The following GIGYF2 variants were observed in gnomAD, a reference collection of about 807,000 sequenced individuals.
The protein encoded by GIGYF2 is GRB10 interacting GYF protein 2.
GIGYF2 carries 25 observed loss-of-function variants against 208.1 expected under a neutral mutation model. The observed-to-expected ratio is 0.12, with a 90% CI of 0.09 to 0.17. GIGYF2 has a LOEUF of 0.17. GIGYF2 is among the 10% of genes least tolerant of loss of function. The pLI is 1.00. For missense variants in GIGYF2, 1,302 were observed against 1,579.4 expected (o/e 0.82, Z 2.98); for synonymous variants, 534 against 543.8 (o/e 0.98, Z 0.25).
At chr2:232,719,911 GT>G (rs531256020) in intron 2 of GIGYF2, among the ~76,000 whole-genome samples, 50 of 148,570 alleles carry the variant, frequency 3.4e-4, no homozygotes, top group African/African-American at 7.4e-4. Context: ...TCTCTCAGCT[GT>G]TTTTTTTTTG....
chr2:232,791,029 C>G lies in GIGYF2; in HGVS notation c.952C>G (p.Pro318Ala), dbSNP rs1700054594. The change falls in exon 11 of 29, where the codon CCA (proline) becomes GCA (alanine). Residue 318 changes from proline to alanine, a missense_variant. Coordinates refer to ENST00000373563, the MANE Select transcript of GIGYF2 (RefSeq NM_001103146.3). ...ACAGAAAGTACAGAAAGAGCCTATT[C>G]CAGAAGAGCAGGAGATGGACTTCCG... is the stretch of plus-strand genomic sequence containing the variant. ...SLKKVQKEPI[P>A]EEQEMDFRPV... 1 of 1,613,962 alleles carries G rather than the reference C, an allele frequency of 6.2e-7. No individual in the cohort carries two copies. The highest frequency in any genetic ancestry group is 8.5e-7 in the Non-Finnish European group (1 of 1,179,938).
chr2:232,760,758 A>C (rs1698716980), intron 7 of GIGYF2, 167 bp downstream of exon 7: 1 of 589,866 alleles, frequency 1.7e-6, no homozygotes, highest in Admixed American at 2.8e-5. Flanking sequence ...AATGATTCTT[A>C]TTTAAAGGAA....
intron 14 of GIGYF2, 27 bp downstream of exon 14, chr2:232,796,248 A>T (rs754561391): frequency 6.3e-6 from 9 of 1,432,470 alleles, no homozygotes; most frequent in Non-Finnish European, 8.9e-6. Context: ...TCCTTTAAAT[A>T]CTGAAGTGTG....
chr2:232,778,380 G>A (rs183273908), intron 8 of GIGYF2, among the ~76,000 whole-genome samples: 12 of 152,320 alleles, frequency 7.9e-5, no homozygotes, highest in African/African-American at 2.9e-4. Context: ...TGTCTTAAGT[G>A]AAGCTAATTT....
chr2:232,822,842 A>G (rs1312170032), intron 21 of GIGYF2, among the ~76,000 whole-genome samples: 2 of 152,154 alleles, frequency 1.3e-5, no homozygotes, highest in Non-Finnish European at 1.5e-5. Flanking sequence ...AGGATTTTCT[A>G]TGGAATCTTA....
intron 20 of GIGYF2, among the ~76,000 whole-genome samples, chr2:232,819,273 G>A (rs1701004756): frequency 6.6e-6 from 1 of 152,148 alleles, no homozygotes. Flanking sequence ...GTTCTGTGTT[G>A]CGCAGTTTTC....
At chr2:232,838,421 A>T (rs1439945310) in intron 22 of GIGYF2, among the ~76,000 whole-genome samples, 1 of 152,148 alleles carries the variant, frequency 6.6e-6, no homozygotes, top group Non-Finnish European at 1.5e-5. Flanking sequence ...GTGAGGATAG[A>T]TGGCCATTTC....
In GIGYF2 at chr2:232,847,517, A is replaced by ACAGCAG. The variant is rs376678075; in HGVS notation, c.3644_3649dup (p.Gln1215_Gln1216dup). 93 of 415,932 alleles carry ACAGCAG rather than the reference A, an allele frequency of 2.2e-4. No homozygotes were observed. In the African/African-American group the frequency reaches 3.1e-3, roughly 14 times the overall value. The allele number at this position is 415,932 out of a possible 1,614,324, so 25.8% of individuals were successfully genotyped here. A position where few individuals can be genotyped will look rare whatever the true frequency, so the allele number is the denominator to read the frequency against. ...AGCAGCGTCAGCAGCAGCAGCTGCC[A>ACAGCAG]CAGCAGCAGCAGCAGCAGCCGCCAC... On this transcript the variant is annotated inframe_insertion, in exon 27 of 29. Coordinates refer to ENST00000373563, the MANE Select transcript of GIGYF2 (RefSeq NM_001103146.3).
intron 20 of GIGYF2, 142 bp from the exon 21 acceptor site, chr2:232,819,685 C>G (rs1482569152): frequency 3.3e-6 from 2 of 612,322 alleles, no homozygotes; most frequent in Non-Finnish European, 5.9e-6. Flanking sequence ...ACTTTTTACT[C>G]CAGATCATGA....
At position 232,791,355 on chromosome 2, in the gene GIGYF2, A is replaced by G; in HGVS notation, c.1191A>G (p.Lys397=). The change falls in exon 12 of 29, where the codon AAA becomes AAG. Residue 397 remains lysine (K), a synonymous_variant. Coordinates refer to ENST00000373563, the MANE Select transcript of GIGYF2 (RefSeq NM_001103146.3). The part of the protein sequence containing the change: ...QSQEASQFER[K]DEPKTEQTEK... The stretch of plus-strand genomic sequence containing the variant: ...AGGAAGCATCACAGTTTGAGAGGAA[A>G]GATGAACCAAAAACTGAGCAAACGG... 2.5e-6 allele frequency: 4 copies of G among 1,614,122 alleles called. No individual in the cohort carries two copies. The highest frequency in any genetic ancestry group is 3.4e-6 in the Non-Finnish European group (4 of 1,179,988).
intron 8 of GIGYF2, chr2:232,765,518 C>A (rs1197458931): frequency 6.6e-6 from 1 of 152,584 alleles, no homozygotes; most frequent in African/African-American, 2.4e-5. Context: ...TGCATAACCC[C>A]TGTGAACAAC....
intron 14 of GIGYF2, among the ~76,000 whole-genome samples, chr2:232,801,988 A>G (rs1700413151): frequency 6.6e-6 from 1 of 152,182 alleles, no homozygotes; most frequent in Admixed American, 6.5e-5. Flanking sequence ...AGATTTTTAC[A>G]TCCTTGGTTA....
rs74775209 is a variant in GIGYF2, at chr2:232,812,332, T to C, written c.2007-59T>C. The C allele has an allele frequency of 1.3e-4, 22 of 165,130 alleles. No homozygotes were observed. The Middle Eastern group carries it at 3.7e-3, about 28-fold the overall frequency. The allele number at this position is 165,130 out of a possible 1,614,324, so 10.2% of individuals were successfully genotyped here. On this transcript the variant is annotated intron_variant, in intron 17 of 28. Coordinates refer to ENST00000373563, the MANE Select transcript of GIGYF2 (RefSeq NM_001103146.3). ...GCTAATCTAGAAATTCCTCTTCATC[T>C]TTTTTTTTTTTTCCTGCAAATGACA...
At chr2:232,792,718 G>A (rs183995872) in intron 12 of GIGYF2, among the ~76,000 whole-genome samples, 1 of 152,288 alleles carries the variant, frequency 6.6e-6, no homozygotes, top group African/African-American at 2.4e-5. Context: ...GCTCTACATA[G>A]CAGGCACTGT....
chr2:232,807,795 C>T (rs1420492987), intron 15 of GIGYF2, among the ~76,000 whole-genome samples: 1 of 152,160 alleles, frequency 6.6e-6, no homozygotes, highest in Non-Finnish European at 1.5e-5. Flanking sequence ...CAGTCTCAAA[C>T]TCCTGGGCTC....
intron 5 of GIGYF2, among the ~76,000 whole-genome samples, chr2:232,753,097 GTATTTATTTATT>G (rs58602448): frequency 2.9e-3 from 422 of 143,386 alleles, no homozygotes; most frequent in Admixed American, 5.2e-3. Flanking sequence ...ACACTTGACA[GTATTTATTTATT>G]TATTTATTTA....
At chr2:232,822,313 C>T (rs779896701) in intron 21 of GIGYF2, among the ~76,000 whole-genome samples, 5 of 152,044 alleles carry the variant, frequency 3.3e-5, no homozygotes, top group East Asian at 3.8e-4. Flanking sequence ...ATTTTGTTTT[C>T]GTTATACAGG....
intron 2 of GIGYF2, among the ~76,000 whole-genome samples, chr2:232,710,121 A>G (rs1696319744): frequency 1.3e-5 from 2 of 151,654 alleles, no homozygotes; most frequent in Admixed American, 6.6e-5. Context: ...CACCATGCCC[A>G]GCTAATTTTT....
At chr2:232,772,410 T>C (rs1454126677) in intron 8 of GIGYF2, among the ~76,000 whole-genome samples, 2 of 152,216 alleles carry the variant, frequency 1.3e-5, no homozygotes. Context: ...GCATTAGCTT[T>C]AAAAGTAAGT....
Sources: gnomAD v4.1 joint callset for allele counts (sites outside exome capture counted in the v4.1 genomes callset) on GRCh38, gnomAD v4.1.1 for gene constraint, MANE v1.5 for transcripts, NCBI Gene and HGNC (gene_info 2026-07-23, HGNC 2026-07-21) for gene names.